Variants in HIVEP3 observed in about 807,000 individuals in gnomAD.
The protein encoded by HIVEP3 is HIVEP zinc finger 3.
HIVEP3 carries 49 observed loss-of-function variants against 152.8 expected under a neutral mutation model. The observed-to-expected ratio is 0.32, with a 90% CI of 0.26 to 0.41. The LOEUF (loss-of-function observed/expected upper bound fraction) is 0.41. Among genes scored for constraint, HIVEP3 ranks in the 10% least tolerant of loss-of-function variants. The pLI, the probability that HIVEP3 is intolerant of heterozygous loss-of-function variation, is 1.00. For missense variants in HIVEP3, 2,790 were observed against 3,103.3 expected (o/e 0.90, Z 2.40); for synonymous variants, 1,269 against 1,289.0 (o/e 0.98, Z 0.33).
chr1:41,948,390 G>A (rs1012328589), intron 1 of HIVEP3, among the ~76,000 whole-genome samples: 2 of 152,160 alleles, frequency 1.3e-5, no homozygotes, highest in East Asian at 1.9e-4. Context: ...CCTACCTTCC[G>A]AGGGAACACC....
intron 2 of HIVEP3, among the ~76,000 whole-genome samples, chr1:41,656,533 T>C (rs1233658878): frequency 6.6e-6 from 1 of 152,208 alleles, no homozygotes; most frequent in Non-Finnish European, 1.5e-5. Flanking sequence ...TCTAATCTGA[T>C]TGTCTGCCCA....
intron 1 of HIVEP3, among the ~76,000 whole-genome samples, chr1:41,909,820 CA>C (rs1443990861): frequency 2.6e-5 from 4 of 151,808 alleles, no homozygotes; most frequent in Non-Finnish European, 4.4e-5. Context: ...GAAAAATAAA[CA>C]AACATTCAGA....
chr1:41,826,862 G>A (rs1415214140), intron 1 of HIVEP3, among the ~76,000 whole-genome samples: 1 of 152,208 alleles, frequency 6.6e-6, no homozygotes, highest in Non-Finnish European at 1.5e-5. Context: ...ACTGAGCCCT[G>A]CCATGCACTT....
intron 1 of HIVEP3, among the ~76,000 whole-genome samples, chr1:41,888,038 T>C (rs936135917): frequency 2.3e-5 from 3 of 132,548 alleles, no homozygotes; most frequent in Non-Finnish European, 3.3e-5. Context: ...CCAGCTGAAC[T>C]TTTTTTTTTT....
chr1:41,924,649 C>A (rs1432550007), intron 1 of HIVEP3, among the ~76,000 whole-genome samples: 1 of 141,512 alleles, frequency 7.1e-6, no homozygotes, highest in Non-Finnish European at 1.6e-5. Flanking sequence ...TACCTACCCA[C>A]TGGGGTTGTT....
In HIVEP3 at chr1:41,887,208, A is replaced by T. The variant is rs1644361866; in HGVS notation, c.-801+31205T>A. On this transcript the variant is annotated intron_variant, in intron 1 of 8. Coordinates refer to ENST00000372583, the MANE Select transcript of HIVEP3 (RefSeq NM_024503.5). ...CAGCCAAAATATATTCAGGGAAAAA[A>T]GTATTATGGAGGTTTCACAGGCAAA... Among the ~76,000 whole-genome samples the T allele has an allele frequency of 5.9e-5, 9 of 152,354 alleles. No individual in the cohort carries two copies. The South Asian group carries it at 1.9e-3, about 32-fold the overall frequency.
chr1:41,742,700 G>A (rs1282742877), intron 1 of HIVEP3, among the ~76,000 whole-genome samples: 1 of 152,170 alleles, frequency 6.6e-6, no homozygotes, highest in South Asian at 2.1e-4. Flanking sequence ...GTGTCTATCT[G>A]CCCACTGGGT....
chr1:41,638,262 G>GA (rs1553241168), intron 2 of HIVEP3, among the ~76,000 whole-genome samples: 7 of 127,600 alleles, frequency 5.5e-5, no homozygotes, highest in Admixed American at 2.8e-4. Flanking sequence ...GAGAGAGAAA[G>GA]AAAGAAAGAA....
At chr1:41,640,208 A>T (rs907799936) in intron 2 of HIVEP3, among the ~76,000 whole-genome samples, 2 of 124,276 alleles carry the variant, frequency 1.6e-5, no homozygotes, top group African/African-American at 6.2e-5. Context: ...GAGTGGCGGG[A>T]GGAGGAACAG....
intron 5 of HIVEP3, among the ~76,000 whole-genome samples, chr1:41,541,576 C>G (rs1444933456): frequency 6.6e-6 from 1 of 152,200 alleles, no homozygotes; most frequent in African/African-American, 2.4e-5. Flanking sequence ...CAGTTCTCCC[C>G]TGAGCTCAGA....
chr1:41,787,535 C>CT (rs200281948), intron 1 of HIVEP3, among the ~76,000 whole-genome samples: 1,995 of 122,836 alleles, frequency 0.016, 26 homozygotes, highest in Admixed American at 0.029. Context: ...TTCTTTCTTT[C>CT]TTTTTTTTTT....
intron 1 of HIVEP3, among the ~76,000 whole-genome samples, chr1:41,950,194 G>C (rs1339390953): frequency 1.3e-5 from 2 of 152,162 alleles, no homozygotes; most frequent in Non-Finnish European, 2.9e-5. Context: ...GAGCATAATG[G>C]AAGGGACAAT....
chr1:41,612,762 G>A (rs895266631), intron 3 of HIVEP3, among the ~76,000 whole-genome samples: 1 of 152,104 alleles, frequency 6.6e-6, no homozygotes, highest in Non-Finnish European at 1.5e-5. Context: ...AATTCATCAG[G>A]GCCTAGAATC....
At chr1:41,622,745 G>A (rs1645064492) in intron 3 of HIVEP3, among the ~76,000 whole-genome samples, 1 of 152,164 alleles carries the variant, frequency 6.6e-6, no homozygotes, top group African/African-American at 2.4e-5. Context: ...TATCACTCTC[G>A]GATCATGCTG....
intron 2 of HIVEP3, among the ~76,000 whole-genome samples, chr1:41,673,103 C>T (rs933786669): frequency 6.6e-6 from 1 of 152,194 alleles, no homozygotes. Flanking sequence ...CCCCCTGCCC[C>T]CTCCCCAGGC....
intron 1 of HIVEP3, among the ~76,000 whole-genome samples, chr1:41,938,675 G>A (rs986038562): frequency 2.6e-5 from 4 of 152,216 alleles, no homozygotes; most frequent in African/African-American, 7.2e-5. Flanking sequence ...TACAAATGAT[G>A]AAGCCTGCAG....
chr1:41,997,310 A>G (rs1239699595), intron 1 of HIVEP3, among the ~76,000 whole-genome samples: 1 of 152,162 alleles, frequency 6.6e-6, no homozygotes, highest in Non-Finnish European at 1.5e-5. Flanking sequence ...GTTTGAAACT[A>G]CCACGCCTTT....
intron 1 of HIVEP3, among the ~76,000 whole-genome samples, chr1:42,016,436 T>C (rs1557563208): frequency 6.6e-6 from 1 of 152,132 alleles, no homozygotes; most frequent in Non-Finnish European, 1.5e-5. Context: ...TAAATCAACA[T>C]ACACTCATTG....
intron 1 of HIVEP3, among the ~76,000 whole-genome samples, chr1:41,747,656 T>C (rs957831127): frequency 3.3e-5 from 5 of 152,258 alleles, no homozygotes; most frequent in Non-Finnish European, 5.9e-5. Flanking sequence ...ACTACTTTTT[T>C]CTTTTATTGA....
Sources: allele counts gnomAD v4.1 joint callset (sites outside exome capture counted in the v4.1 genomes callset), GRCh38; gene constraint gnomAD v4.1.1; transcripts MANE v1.5; gene names NCBI Gene and HGNC (gene_info 2026-07-23, HGNC 2026-07-21).